The following MCM5 variants were observed in gnomAD, a reference collection of about 807,000 sequenced individuals.
The protein encoded by MCM5 is minichromosome maintenance complex component 5, also known as DNA replication licensing factor MCM5.
A neutral mutation model predicts 79.9 loss-of-function variants in MCM5; 46 were observed. The observed-to-expected ratio is 0.58, with a 90% confidence interval of 0.45 to 0.74. The LOEUF is 0.74. Among genes scored for constraint, MCM5 ranks in the 30% least tolerant of loss-of-function variants. The pLI is 0.00. For missense variants in MCM5, 883 were observed against 1,017.0 expected (o/e 0.87, Z 1.79); for synonymous variants, 404 against 390.5 (o/e 1.03, Z -0.41).
chr22:35,438,312 C>T, the MCM5 span, among the ~76,000 whole-genome samples: 6 of 80,136 alleles, frequency 7.5e-5, no homozygotes, highest in Admixed American at 3.6e-4. Flanking sequence ...CCTATTCATC[C>T]GTTCATCCGT....
Position 35,416,527 on chromosome 22 carries a change from G to GTC in MCM5, c.1414-110_1414-109insCT, listed in dbSNP as rs1278618617. On this transcript the variant is annotated intron_variant, in intron 11 of 16. Coordinates refer to ENST00000216122, the MANE Select transcript of MCM5 (RefSeq NM_006739.4). The stretch of plus-strand genomic sequence containing the variant: ...GCCTAGAATCTGTGTGTGTGTGTGT[G>GTC]TGTGTGTGTGTGTGTGTGTGTGTGT... The GTC allele has an allele frequency of 3.7e-5, 15 of 407,662 alleles. No individual in the cohort carries two copies. The African/African-American group carries it at 2.4e-3, about 66-fold the overall frequency. 25.3% of individuals were successfully genotyped at this position (407,662 alleles called of 1,614,324 possible).
At chr22:35,421,222 T>C in intron 14 of MCM5, 96 bp from the exon 15 acceptor site, 1 of 1,361,654 alleles carries the variant, frequency 7.3e-7, no homozygotes, top group Non-Finnish European at 1.0e-6. Context: ...ACCACAGTCT[T>C]ACCACTTTGG....
In MCM5 at chr22:35,406,293, G is replaced by GCCCC. The variant is rs751051553; in HGVS notation, c.424-258_424-257insCCCC. On this transcript the variant is annotated intron_variant, in intron 4 of 16. Coordinates refer to ENST00000216122, the MANE Select transcript of MCM5 (RefSeq NM_006739.4). Reference sequence around the variant, plus strand: ...ATGTGCTTAGTGTATCTCTTGCCCTGCCACCTCCCCCCCCAATTGTGCTGC... The same window carrying GCCCC: ...ATGTGCTTAGTGTATCTCTTGCCCTGCCCCCCACCTCCCCCCCCAATTGTGCTGC... 6.1e-3 allele frequency among the ~76,000 whole-genome samples: 544 copies of GCCCC among 89,396 alleles called. 5 individuals are homozygous for GCCCC. The highest frequency in any genetic ancestry group is 0.011 in the African/African-American group (212 of 20,052). 58.6% of individuals were successfully genotyped at this position (89,396 alleles called of 152,430 possible). A position where few individuals can be genotyped will look rare whatever the true frequency, so the allele number is the denominator to read the frequency against.
the MCM5 span, among the ~76,000 whole-genome samples, chr22:35,432,023 G>A: frequency 6.6e-5 from 10 of 152,310 alleles, no homozygotes; most frequent in Middle Eastern, 3.4e-3. Context: ...GATAATGACC[G>A]TACCTACAAT....
Position 35,416,772 on chromosome 22 carries a change from G to T in MCM5, c.1548G>T (p.Met516Ile), listed in dbSNP as rs1433897050. 8 of 1,613,966 alleles carry T rather than the reference G, an allele frequency of 5.0e-6. No individual in the cohort carries two copies. The highest frequency in any genetic ancestry group is 4.2e-6 in the Non-Finnish European group (5 of 1,180,048). The part of the protein sequence containing the change: ...FMPTILSRFD[M>I]IFIVKDEHNE... ...CCACCATCTTGTCGCGCTTCGACAT[G>T]ATCTTCATCGTCAAGGATGAGCACA... Residue 516 changes from methionine to isoleucine, a missense_variant, in exon 12 of 17, where the codon ATG becomes ATT. By Grantham distance (10) the Met-to-Ile change is conservative. Transcript: ENST00000216122.
At chr22:35,413,132 T>G (rs1001018070) in intron 8 of MCM5, among the ~76,000 whole-genome samples, 17 of 149,936 alleles carry the variant, frequency 1.1e-4, no homozygotes, top group Admixed American at 4.7e-4. Flanking sequence ...AAGCTCCGCC[T>G]CTTGGGTTCA....
intron 6 of MCM5, chr22:35,410,225 C>T (rs1441976192): frequency 1.2e-5 from 2 of 167,640 alleles, no homozygotes; most frequent in Non-Finnish European, 2.6e-5. Flanking sequence ...GGAGACTTCC[C>T]TGTTTCAACA....
chr22:35,438,783 T>TCATCCATCCATC, the MCM5 span, among the ~76,000 whole-genome samples: 4 of 11,038 alleles, frequency 3.6e-4, no homozygotes, highest in African/African-American at 1.5e-3. Context: ...ACCCACATAT[T>TCATCCATCCATC]CATCCATCCA....
At chr22:35,428,355 C>A (rs759964434), downstream of MCM5, among the ~76,000 whole-genome samples, 11 of 151,308 alleles carry the variant, frequency 7.3e-5, no homozygotes, top group Non-Finnish European at 1.3e-4. Context: ...GGGGGTGGTT[C>A]TCACTGTGTT....
downstream of MCM5, among the ~76,000 whole-genome samples, chr22:35,429,095 C>T (rs1601767634): frequency 7.0e-6 from 1 of 143,450 alleles, no homozygotes; most frequent in South Asian, 2.3e-4. Flanking sequence ...AAGCAATTCT[C>T]CTGCCTCAGC....
At position 35,410,734 on chromosome 22, in the gene MCM5, C is replaced by G. The variant is rs910395747; in HGVS notation, c.753-10C>G. ...CAGCTTTTCTCCTTTCTCCTCTACC[C>G]TCCTCTCAGGTACCTGTGTGACAAG... is the stretch of plus-strand genomic sequence containing the variant. On this transcript the variant is annotated splice_polypyrimidine_tract_variant and intron_variant, in intron 6 of 16. Transcript: ENST00000216122. The G allele has an allele frequency of 1.9e-6, 3 of 1,613,436 alleles. No homozygotes were observed. The highest frequency in any genetic ancestry group is 2.5e-6 in the Non-Finnish European group (3 of 1,179,374).
At chr22:35,445,786 C>T in the MCM5 span, among the ~76,000 whole-genome samples, 13 of 152,246 alleles carry the variant, frequency 8.5e-5, no homozygotes, top group Admixed American at 8.5e-4. Flanking sequence ...GCTGGGATTA[C>T]AGGCATGAGC....
intron 16 of MCM5, chr22:35,423,901 A>G (rs1453102944): frequency 1.3e-5 from 6 of 461,234 alleles, no homozygotes; most frequent in Non-Finnish European, 2.3e-5. Context: ...GCTTAGAGAA[A>G]GGTTTAGAGC....
the MCM5 span, among the ~76,000 whole-genome samples, chr22:35,448,362 A>T: frequency 6.6e-6 from 1 of 151,410 alleles, no homozygotes; most frequent in African/African-American, 2.4e-5. Flanking sequence ...CCGTGGTGGG[A>T]GCTTCCCCAC....
rs540065509 is a variant in MCM5, at chr22:35,417,999, C to T, written c.1703+143C>T. The T allele has an allele frequency of 1.2e-3, 754 of 624,042 alleles. 2 individuals carry two copies. The highest frequency in any genetic ancestry group is 9.6e-3 in the Middle Eastern group (22 of 2,294). The allele number at this position is 624,042 out of a possible 1,614,324, so 38.7% of individuals were successfully genotyped here. A position where few individuals can be genotyped will look rare whatever the true frequency, so the allele number is the denominator to read the frequency against. ...GAGGTTCTCAGCTCTACTGAATCTG[C>T]TCTGCTCCCTTCTAACCTTGCGTAG... On this transcript the variant is annotated intron_variant, in intron 13 of 16. Coordinates refer to ENST00000216122, the MANE Select transcript of MCM5 (RefSeq NM_006739.4).
At chr22:35,446,624 A>G in the MCM5 span, among the ~76,000 whole-genome samples, 3 of 152,064 alleles carry the variant, frequency 2.0e-5, no homozygotes, top group African/African-American at 4.8e-5. Context: ...GAGGGGAACA[A>G]CCGGGGCGCC....
At chr22:35,404,538 C>A (rs574942956) in intron 4 of MCM5, among the ~76,000 whole-genome samples, 1 of 151,486 alleles carries the variant, frequency 6.6e-6, no homozygotes, top group Non-Finnish European at 1.5e-5. Context: ...GACTGTGTTT[C>A]GATTTCACAT....
At chr22:35,416,891 A>G in intron 12 of MCM5, 77 bp downstream of exon 12, 1 of 1,524,724 alleles carries the variant, frequency 6.6e-7, no homozygotes, top group Non-Finnish European at 9.0e-7. Flanking sequence ...AGGAGAATGG[A>G]GAACAAGGGC....
Position 35,424,141 on chromosome 22 carries a change from TG to T in MCM5, c.2104-12del. ...GGCAGCACGTGCCGTTAGCCAGCCA[TG>T]TGCTCCCACAGAAATACCCGGAGCA... is the stretch of plus-strand genomic sequence containing the variant. On this transcript the variant is annotated splice_polypyrimidine_tract_variant and intron_variant, in intron 16 of 16. Coordinates refer to ENST00000216122, the MANE Select transcript of MCM5 (RefSeq NM_006739.4). The T allele has an allele frequency of 6.5e-7, 1 of 1,532,066 alleles. No homozygotes were observed. Among genetic ancestry groups the T allele is most frequent in the Non-Finnish European group, 8.8e-7 (1 of 1,130,508 alleles). The allele number at this position is 1,532,066 out of a possible 1,614,324, so 94.9% of individuals were successfully genotyped here.
Sources: allele counts gnomAD v4.1 joint callset (sites outside exome capture counted in the v4.1 genomes callset), GRCh38; gene constraint gnomAD v4.1.1; transcripts MANE v1.5; gene names NCBI Gene and HGNC (gene_info 2026-07-23, HGNC 2026-07-21).